The following EHD3 variants were observed in gnomAD, a reference collection of about 807,000 sequenced individuals.
EHD3 encodes EH domain containing 3, also known as EH domain-containing protein 3.
A neutral mutation model predicts 43.0 loss-of-function variants in EHD3; 17 were observed. The observed-to-expected ratio is 0.40, with a 90% CI of 0.27 to 0.59. The LOEUF (loss-of-function observed/expected upper bound fraction) is 0.59. EHD3 is among the 20% of genes least tolerant of loss of function. The probability of loss-of-function intolerance (pLI) is 0.49; values close to 1 mark genes in which losing one functional copy is unlikely to be tolerated. For missense variants in EHD3, 594 were observed against 705.6 expected (o/e 0.84, Z 1.79); for synonymous variants, 313 against 289.5 (o/e 1.08, Z -0.82).
intron 1 of EHD3, among the ~76,000 whole-genome samples, chr2:31,238,855 G>C (rs1247903025): frequency 6.6e-6 from 1 of 152,214 alleles, no homozygotes; most frequent in African/African-American, 2.4e-5. Context: ...GCAGAGCTGA[G>C]AGAGAGGCTC....
At position 31,260,366 on chromosome 2, in the gene EHD3, A is replaced by C; in HGVS notation, c.503-144A>C. 1.2e-6 allele frequency: 1 copy of C among 810,608 alleles called. No individual in the cohort carries two copies. The highest frequency in any genetic ancestry group is 1.8e-6 in the Non-Finnish European group (1 of 549,172). The allele number at this position is 810,608 out of a possible 1,614,324, so 50.2% of individuals were successfully genotyped here. Reference sequence around the variant, plus strand: ...GACATTGAGTAATTTGCTGGAGTCCAAACAGTTAAAATGTGGAGGAGCCAG... The same window carrying C: ...GACATTGAGTAATTTGCTGGAGTCCCAACAGTTAAAATGTGGAGGAGCCAG... On this transcript the variant is annotated intron_variant, in intron 3 of 5. Transcript: ENST00000322054. The surrounding 1 kb of genome is among the most constrained non-coding windows in gnomAD (Gnocchi z 4.6).
rs534121508 is a variant in EHD3 at position 31,244,164 on chromosome 2, C to T, written c.228-110C>T. On this transcript the variant is annotated intron_variant, in intron 1 of 5. Coordinates refer to ENST00000322054, the MANE Select transcript of EHD3 (RefSeq NM_014600.3). ...TTCTCCCGGCCATGAGATCTTGCTG[C>T]GGTGGCCCTGCCCTCCCCTCTGACT... 17 of 1,011,984 alleles carry T rather than the reference C, an allele frequency of 1.7e-5. No individual in the cohort carries two copies. In the East Asian group the frequency reaches 2.3e-4, roughly 14 times the overall value. The allele number at this position is 1,011,984 out of a possible 1,614,324, so 62.7% of individuals were successfully genotyped here.
chr2:31,243,067 A>G (rs1270285695), intron 1 of EHD3, among the ~76,000 whole-genome samples: 1 of 152,166 alleles, frequency 6.6e-6, no homozygotes, highest in Non-Finnish European at 1.5e-5. Flanking sequence ...ACCTGACGTC[A>G]GCAGCTCAAG....
chr2:31,250,558 C>T (rs1481411836), intron 3 of EHD3, among the ~76,000 whole-genome samples: 1 of 152,198 alleles, frequency 6.6e-6, no homozygotes, highest in Non-Finnish European at 1.5e-5. Context: ...GGAACCACCG[C>T]ACCCAGCCTG....
chr2:31,265,373 C>T (rs1395735149), intron 5 of EHD3, among the ~76,000 whole-genome samples: 5 of 152,172 alleles, frequency 3.3e-5, no homozygotes, highest in African/African-American at 9.7e-5. Flanking sequence ...TCACCACAAA[C>T]ACATAATGCG....
At chr2:31,264,020 T>C (rs1461725272) in intron 5 of EHD3, among the ~76,000 whole-genome samples, 7 of 152,256 alleles carry the variant, frequency 4.6e-5, no homozygotes, top group Admixed American at 4.6e-4. Context: ...CTGTGCCTGC[T>C]GTGTCAAACC....
intron 3 of EHD3, among the ~76,000 whole-genome samples, chr2:31,255,601 C>T (rs1233192827): frequency 3.3e-5 from 5 of 152,158 alleles, no homozygotes; most frequent in Admixed American, 3.3e-4. Context: ...TAGATCTGCA[C>T]CTAAGTCCAG....
chr2:31,263,657 C>T (rs1243693891), intron 5 of EHD3, among the ~76,000 whole-genome samples: 1 of 152,130 alleles, frequency 6.6e-6, no homozygotes, highest in Non-Finnish European at 1.5e-5. Context: ...GCCCTAAGGC[C>T]TTCCTGGCTC....
chr2:31,254,454 G>A (rs1265305556), intron 3 of EHD3, among the ~76,000 whole-genome samples: 2 of 152,214 alleles, frequency 1.3e-5, no homozygotes, highest in Non-Finnish European at 2.9e-5. Flanking sequence ...GAGTCCTGAC[G>A]CCCTTCAAAA....
At chr2:31,265,857 T>G (rs914984097) in intron 5 of EHD3, among the ~76,000 whole-genome samples, 3 of 152,130 alleles carry the variant, frequency 2.0e-5, no homozygotes, top group Admixed American at 6.5e-5. Context: ...AATGATTTCC[T>G]CTCTGGAATG....
Position 31,268,231 on chromosome 2 carries a change from T to C in EHD3, c.*1527T>C, listed in dbSNP as rs1683991952. On this transcript the variant is annotated 3_prime_UTR_variant, in exon 6 of 6. Transcript: ENST00000322054. ...TTCATGGCCACTGAACCAATCACTT[T>C]GTATGCTATGCTCCTACTGTGATGG... The C allele has an allele frequency of 6.6e-6, 1 of 152,666 alleles. No homozygotes were observed. The highest frequency in any genetic ancestry group is 1.5e-5 in the Non-Finnish European group (1 of 68,054). 9.5% of individuals were successfully genotyped at this position (152,666 alleles called of 1,614,324 possible).
chr2:31,251,295 C>T (rs960439416), intron 3 of EHD3, among the ~76,000 whole-genome samples: 4 of 152,196 alleles, frequency 2.6e-5, no homozygotes, highest in Non-Finnish European at 5.9e-5. Flanking sequence ...TGTGTGTGAG[C>T]TGCCATGGCT....
chr2:31,251,620 C>T (rs1277615577), intron 3 of EHD3, among the ~76,000 whole-genome samples: 2 of 152,148 alleles, frequency 1.3e-5, no homozygotes, highest in African/African-American at 2.4e-5. Context: ...ATCACAGTGT[C>T]ACCTGGGAAG....
chr2:31,251,065 T>C (rs1438854054), intron 3 of EHD3, among the ~76,000 whole-genome samples: 2 of 152,176 alleles, frequency 1.3e-5, no homozygotes, highest in Non-Finnish European at 2.9e-5. Context: ...GGTCACAGCC[T>C]CATGGTGTGA....
intron 1 of EHD3, among the ~76,000 whole-genome samples, chr2:31,239,853 C>G (rs1353761297): frequency 7.0e-6 from 1 of 143,570 alleles, no homozygotes; most frequent in Non-Finnish European, 1.5e-5. Flanking sequence ...CTGACTCTAA[C>G]AGGAGACTTA....
In EHD3 at chr2:31,248,595, C is replaced by T. The variant is rs186144440; in HGVS notation, c.405-776C>T. 2.0e-5 allele frequency among the ~76,000 whole-genome samples: 3 copies of T among 152,286 alleles called. No individual in the cohort carries two copies. In the East Asian group the frequency reaches 5.8e-4, roughly 29 times the overall value. On this transcript the variant is annotated intron_variant, in intron 2 of 5. Transcript: ENST00000322054. Reference sequence around the variant, plus strand: ...GCCTCACAATCATCCAGGGAGCTTCCTCAAGGCATAGAGCCTGAGTGAGAC... The same window carrying T: ...GCCTCACAATCATCCAGGGAGCTTCTTCAAGGCATAGAGCCTGAGTGAGAC...
At position 31,234,551 on chromosome 2, in the gene EHD3, C is replaced by A; in HGVS notation, c.-71C>A. 1 of 1,559,150 alleles carries A rather than the reference C, an allele frequency of 6.4e-7. No homozygotes were observed. The highest frequency in any genetic ancestry group is 8.7e-7 in the Non-Finnish European group (1 of 1,144,394). ...GCGGCTCGGAGCCCGGCGGACCGGTCCTACGGGACATCTTCCCCTGAGGAG... is the reference window on the plus strand; with the variant it reads ...GCGGCTCGGAGCCCGGCGGACCGGTACTACGGGACATCTTCCCCTGAGGAG... On this transcript the variant is annotated 5_prime_UTR_variant, in exon 1 of 6. Transcript: ENST00000322054.
At position 31,234,607 on chromosome 2, in the gene EHD3, C is replaced by A; in HGVS notation, c.-15C>A. On this transcript the variant is annotated 5_prime_UTR_variant, in exon 1 of 6. Transcript: ENST00000322054. ...TTCCCCTGGGGCTGCGTGCCGGGGG[C>A]GAGCGGCGGCCGCGATGTTCAGCTG... 6.2e-7 allele frequency: 1 copy of A among 1,612,466 alleles called. No individual in the cohort carries two copies. The highest frequency in any genetic ancestry group is 8.5e-7 in the Non-Finnish European group (1 of 1,179,586).
Position 31,266,419 on chromosome 2 carries a change from G to A in EHD3, c.1323G>A (p.Val441=), listed in dbSNP as rs1369848845. ...GEGIDDAEWV[V]ARDKPMYDEI... ...GTATCGATGATGCTGAGTGGGTGGT[G>A]GCCAGGGACAAGCCCATGTACGACG... Residue 441 remains valine, a synonymous_variant, in exon 6 of 6, where the codon GTG becomes GTA. Transcript: ENST00000322054. This position sits in a 1 kb window ranked among gnomAD's most constrained non-coding sequence, Gnocchi z 5.1. 4 of 1,613,940 alleles carry A rather than the reference G, an allele frequency of 2.5e-6. No homozygotes were observed. The highest frequency in any genetic ancestry group is 3.3e-5 in the Admixed American group (2 of 59,982).
Sources: gnomAD v4.1 joint callset for allele counts (sites outside exome capture counted in the v4.1 genomes callset) on GRCh38, gnomAD v4.1.1 for gene constraint, Gnocchi (gnomAD v3.1) non-coding constraint, MANE v1.5 for transcripts, NCBI Gene and HGNC (gene_info 2026-07-23, HGNC 2026-07-21) for gene names.